The following GABRG3 variants were observed in gnomAD, a reference collection of about 807,000 sequenced individuals.
The protein encoded by GABRG3 is gamma-aminobutyric acid receptor subunit gamma-3.
GABRG3 carries 25 observed loss-of-function variants against 48.8 expected under a neutral mutation model. That is an observed-to-expected ratio of 0.51 (90% CI 0.37 to 0.72). GABRG3 has a LOEUF of 0.72. GABRG3 is among the 30% of genes least tolerant of loss of function. The pLI, the probability that GABRG3 is intolerant of heterozygous loss-of-function variation, is 0.00. For missense variants in GABRG3, 394 were observed against 577.9 expected (o/e 0.68, Z 3.26); for synonymous variants, 227 against 217.6 (o/e 1.04, Z -0.38).
chr15:27,515,539 G>A (rs1890998858), intron 6 of GABRG3, among the ~76,000 whole-genome samples: 1 of 152,140 alleles, frequency 6.6e-6, no homozygotes, highest in African/African-American at 2.4e-5. Flanking sequence ...TTTTCAGAGA[G>A]TATTAAGCTT....
intron 2 of GABRG3, among the ~76,000 whole-genome samples, chr15:26,996,426 T>C (rs1222026260): frequency 6.6e-6 from 1 of 152,038 alleles, no homozygotes; most frequent in African/African-American, 2.4e-5. Context: ...CTTCCATCGT[T>C]TTGGTAATAA....
chr15:27,449,777 C>T (rs531868391), intron 5 of GABRG3, among the ~76,000 whole-genome samples: 10 of 152,306 alleles, frequency 6.6e-5, no homozygotes, highest in South Asian at 4.1e-4. Context: ...CACGCTGAGT[C>T]GTACGGCAGT....
intron 3 of GABRG3, among the ~76,000 whole-genome samples, chr15:27,188,679 C>G (rs1888185668): frequency 6.6e-6 from 1 of 151,830 alleles, no homozygotes; most frequent in African/African-American, 2.4e-5. Context: ...TTGTGGGTTG[C>G]CTGTTCACTC....
intron 3 of GABRG3, chr15:27,208,333 A>C (rs71465219): frequency 0.019 from 4,187 of 224,464 alleles, 154 homozygotes; most frequent in East Asian, 0.16. Flanking sequence ...TAGCCCTTTC[A>C]AAGTAGGTGC....
At chr15:27,230,488 T>A (rs1033614740) in intron 3 of GABRG3, among the ~76,000 whole-genome samples, 1 of 151,404 alleles carries the variant, frequency 6.6e-6, no homozygotes, top group African/African-American at 2.4e-5. Context: ...TAGATATTAC[T>A]CCTGTTACTG....
At chr15:27,515,840 T>G (rs1891005085) in intron 6 of GABRG3, among the ~76,000 whole-genome samples, 2 of 152,194 alleles carry the variant, frequency 1.3e-5, no homozygotes, top group South Asian at 4.1e-4. Flanking sequence ...ACTTCCAAAC[T>G]TACCAATTAA....
chr15:27,255,491 G>C (rs762229092), intron 3 of GABRG3, among the ~76,000 whole-genome samples: 1 of 152,154 alleles, frequency 6.6e-6, no homozygotes, highest in Non-Finnish European at 1.5e-5. Flanking sequence ...AACTAAATAG[G>C]TGTTTGGGTG....
intron 5 of GABRG3, among the ~76,000 whole-genome samples, chr15:27,456,697 C>T (rs749117150): frequency 5.3e-5 from 8 of 152,062 alleles, no homozygotes; most frequent in Non-Finnish European, 7.4e-5. Flanking sequence ...GGGCTCATAG[C>T]GGAGGAAATA....
At chr15:27,004,167 C>T (rs1008444995) in intron 2 of GABRG3, among the ~76,000 whole-genome samples, 3 of 150,618 alleles carry the variant, frequency 2.0e-5, no homozygotes, top group Non-Finnish European at 3.0e-5. Context: ...GGCTGCCGGG[C>T]GGAGAGGCTC....
intron 3 of GABRG3, among the ~76,000 whole-genome samples, chr15:27,121,514 C>T (rs1897731109): frequency 6.6e-6 from 1 of 152,192 alleles, no homozygotes; most frequent in Non-Finnish European, 1.5e-5. Flanking sequence ...CTGGGTTGTG[C>T]AGCTAATGTG....
chr15:27,094,229 A>G (rs1897238054), intron 3 of GABRG3, among the ~76,000 whole-genome samples: 1 of 152,204 alleles, frequency 6.6e-6, no homozygotes, highest in African/African-American at 2.4e-5. Context: ...TCAAGCCTTC[A>G]GAGGCTGCAG....
At chr15:27,090,219 G>T (rs1595518276) in intron 3 of GABRG3, among the ~76,000 whole-genome samples, 1 of 152,192 alleles carries the variant, frequency 6.6e-6, no homozygotes. Flanking sequence ...AGTATGTTTT[G>T]TGTTAGATTA....
In GABRG3 at chr15:27,112,458, G is replaced by A. The variant is rs952096911; in HGVS notation, c.270+85637G>A. Among the ~76,000 whole-genome samples the A allele has an allele frequency of 3.8e-4, 21 of 55,814 alleles. 1 individual carries two copies. The highest frequency in any genetic ancestry group is 1.5e-3 in the African/African-American group (20 of 13,208). The allele number at this position is 55,814 out of a possible 152,430, so 36.6% of individuals were successfully genotyped here. On this transcript the variant is annotated intron_variant, in intron 3 of 9. Coordinates refer to ENST00000615808, the MANE Select transcript of GABRG3 (RefSeq NM_033223.5). ...ATTTCATTGATTTTTTTTTTTTTTT[G>A]GTATGGGGTCTCACTGTGTTGCCCA...
chr15:27,197,354 C>A (rs1888526751), intron 3 of GABRG3, among the ~76,000 whole-genome samples: 1 of 152,112 alleles, frequency 6.6e-6, no homozygotes, highest in African/African-American at 2.4e-5. Context: ...TGAAACTTGC[C>A]TTTTTGATCC....
intron 6 of GABRG3, among the ~76,000 whole-genome samples, chr15:27,497,843 C>T (rs1214862925): frequency 6.6e-6 from 1 of 152,110 alleles, no homozygotes; most frequent in Non-Finnish European, 1.5e-5. Flanking sequence ...GCTACATTCA[C>T]CATGATTTCT....
At chr15:27,164,450 G>A (rs1408207791) in intron 3 of GABRG3, among the ~76,000 whole-genome samples, 1 of 152,172 alleles carries the variant, frequency 6.6e-6, no homozygotes, top group East Asian at 1.9e-4. Context: ...GTTAGTATTA[G>A]CACACAAGAC....
chr15:27,238,515 T>C (rs1260251230), intron 3 of GABRG3, among the ~76,000 whole-genome samples: 1 of 152,222 alleles, frequency 6.6e-6, no homozygotes, highest in Non-Finnish European at 1.5e-5. Flanking sequence ...TATTAAATTA[T>C]GTACTGTGTC....
At position 27,191,726 on chromosome 15, in the gene GABRG3, T is replaced by A. The variant is rs185060674; in HGVS notation, c.271-135083T>A. On this transcript the variant is annotated intron_variant, in intron 3 of 9. Coordinates refer to ENST00000615808, the MANE Select transcript of GABRG3 (RefSeq NM_033223.5). Reference sequence around the variant, plus strand: ...AATTGGAGCATTTAGTCCATTTACGTTTAAAGTTAATATTGTTATGTATGA... The same window carrying A: ...AATTGGAGCATTTAGTCCATTTACGATTAAAGTTAATATTGTTATGTATGA... 2.1e-3 allele frequency among the ~76,000 whole-genome samples: 317 copies of A among 152,232 alleles called. 1 individual carries two copies. Among genetic ancestry groups the A allele is most frequent in the Admixed American group, 0.019 (297 of 15,280 alleles).
intron 3 of GABRG3, among the ~76,000 whole-genome samples, chr15:27,132,706 A>T (rs538989580): frequency 6.6e-6 from 1 of 151,060 alleles, no homozygotes; most frequent in East Asian, 1.9e-4. Context: ...TTCATTTATT[A>T]GTCAGTATAG....
Sources: gnomAD v4.1 joint callset for allele counts (sites outside exome capture counted in the v4.1 genomes callset) on GRCh38, gnomAD v4.1.1 for gene constraint, MANE v1.5 for transcripts, NCBI Gene and HGNC (gene_info 2026-07-23, HGNC 2026-07-21) for gene names.